The following GNL3L variants were observed in gnomAD, a reference collection of about 807,000 sequenced individuals.
GNL3L encodes guanine nucleotide-binding protein-like 3-like protein.
GNL3L carries 4 observed loss-of-function variants against 42.9 expected under a neutral mutation model. That is an observed-to-expected ratio of 0.09 (90% confidence interval 0.05 to 0.21). The LOEUF (loss-of-function observed/expected upper bound fraction) is 0.21. GNL3L is among the 10% of genes least tolerant of loss of function. The pLI, the probability that GNL3L is intolerant of heterozygous loss-of-function variation, is 1.00. For missense variants in GNL3L, 412 were observed against 481.7 expected (o/e 0.86, Z 1.36); for synonymous variants, 159 against 176.3 (o/e 0.90, Z 0.78).
the GNL3L span, among the ~76,000 whole-genome samples, chrX:54,644,785 A>C: frequency 5.0e-3 from 561 of 111,949 alleles, 5 homozygotes; most frequent in African/African-American, 0.017. Context: ...ACATTGTGAA[A>C]GTAAAAATAA....
chrX:54,636,454 T>C, the GNL3L span, among the ~76,000 whole-genome samples: 2 of 111,864 alleles, frequency 1.8e-5, no homozygotes, highest in African/African-American at 6.5e-5. Context: ...TGAAGTTTGG[T>C]GTACAAATGA....
chrX:54,593,261 T>G (rs905235598), intron 16 of GNL3L, among the ~76,000 whole-genome samples: 3 of 111,930 alleles, frequency 2.7e-5, no homozygotes, highest in African/African-American at 9.7e-5. Flanking sequence ...TCTGGGCTTT[T>G]CTTTGCTGGG....
chrX:54,537,452 G>C (rs760555707), intron 2 of GNL3L, among the ~76,000 whole-genome samples: 38 of 111,268 alleles, frequency 3.4e-4, no homozygotes, highest in African/African-American at 1.2e-3. Flanking sequence ...TCTCTTTCAG[G>C]AACTCCTGTT....
At chrX:54,640,487 A>G in the GNL3L span, among the ~76,000 whole-genome samples, 1 of 112,265 alleles carries the variant, frequency 8.9e-6, no homozygotes, top group African/African-American at 3.2e-5. Context: ...CACAGCCGTC[A>G]TCTCTCAGCA....
intron 2 of GNL3L, among the ~76,000 whole-genome samples, chrX:54,533,845 T>C (rs1039808697): frequency 9.0e-6 from 1 of 110,773 alleles, no homozygotes. Flanking sequence ...GATAGAAATA[T>C]TGATAGTGAT....
the GNL3L span, among the ~76,000 whole-genome samples, chrX:54,631,824 A>G: frequency 9.0e-6 from 1 of 111,465 alleles, no homozygotes; most frequent in South Asian, 3.7e-4. Flanking sequence ...TTGCCCGAAT[A>G]TCTTGTTTGT....
intron 16 of GNL3L, among the ~76,000 whole-genome samples, chrX:54,574,481 A>G (rs779735166): frequency 8.9e-6 from 1 of 112,286 alleles, no homozygotes; most frequent in Admixed American, 9.5e-5. Flanking sequence ...CGTGGAGTAA[A>G]TAGCACTTGG....
intron 2 of GNL3L, among the ~76,000 whole-genome samples, chrX:54,536,074 C>T (rs1174906990): frequency 6.3e-5 from 7 of 111,238 alleles, no homozygotes; most frequent in Admixed American, 2.9e-4. Context: ...ATTACAGGTG[C>T]GTGCCAACAC....
intron 8 of GNL3L, among the ~76,000 whole-genome samples, chrX:54,544,876 C>G (rs1049433861): frequency 9.0e-6 from 1 of 111,108 alleles, no homozygotes; most frequent in African/African-American, 3.3e-5. Flanking sequence ...AACATAATGT[C>G]TATAGGGAAT....
At chrX:54,623,745 GTTATT>G (rs911882737), downstream of GNL3L, among the ~76,000 whole-genome samples, 1 of 110,733 alleles carries the variant, frequency 9.0e-6, no homozygotes, top group Non-Finnish European at 1.9e-5. Flanking sequence ...TTTATTCTTG[GTTATT>G]TTATTCTTTT....
chrX:54,624,438 CT>C (rs761943977), downstream of GNL3L, among the ~76,000 whole-genome samples: 7,685 of 82,037 alleles, frequency 0.094, 542 homozygotes, highest in African/African-American at 0.28. Context: ...TTTTCTTTTT[CT>C]TTTTTTTTTT....
chrX:54,536,613 C>T (rs1924432668), intron 2 of GNL3L, among the ~76,000 whole-genome samples: 1 of 108,822 alleles, frequency 9.2e-6, no homozygotes, highest in Admixed American at 9.9e-5. Flanking sequence ...GGCGAAACCC[C>T]GTCTCTACTA....
At chrX:54,613,916 G>C (rs2057630479) in intron 16 of GNL3L, among the ~76,000 whole-genome samples, 1 of 110,395 alleles carries the variant, frequency 9.1e-6, no homozygotes, top group African/African-American at 3.3e-5. Context: ...GTCAGGAGGT[G>C]GTGGTTTCCA....
Position 54,605,447 on chromosome X carries a change from A to C in GNL3L, c.*46-15398A>C, listed in dbSNP as rs767782398. ...TCCGAATTTCACTCCAAGAGGTCCA[A>C]ACTTGGCCCCATCTTCGGCCCCCCA... On this transcript the variant is annotated intron_variant, in intron 16 of 16. Transcript: ENST00000674498. Among the ~76,000 whole-genome samples, 11 of 111,268 alleles carry C rather than the reference A, an allele frequency of 9.9e-5. No individual in the cohort carries two copies. The South Asian group carries it at 4.2e-3, about 43-fold the overall frequency.
chrX:54,536,009 C>T (rs1315749637), intron 2 of GNL3L, among the ~76,000 whole-genome samples: 2 of 110,081 alleles, frequency 1.8e-5, no homozygotes, highest in Admixed American at 1.9e-4. Flanking sequence ...CTCACTGCAA[C>T]CTCCACCTCC....
the GNL3L span, among the ~76,000 whole-genome samples, chrX:54,637,498 TCTCA>T: frequency 2.7e-5 from 3 of 111,867 alleles, no homozygotes; most frequent in Non-Finnish European, 3.8e-5. Flanking sequence ...CACATATATA[TCTCA>T]CTATCTACTT....
At chrX:54,608,050 A>C (rs1910052410) in intron 16 of GNL3L, among the ~76,000 whole-genome samples, 1 of 112,087 alleles carries the variant, frequency 8.9e-6, no homozygotes, top group African/African-American at 3.2e-5. Flanking sequence ...AAAAGCAGGC[A>C]AAACAAGATA....
At chrX:54,630,906 A>C in the GNL3L span, among the ~76,000 whole-genome samples, 1 of 106,144 alleles carries the variant, frequency 9.4e-6, no homozygotes, top group South Asian at 4.3e-4. Flanking sequence ...TCCTGGGTTC[A>C]AGTGATTATC....
chrX:54,538,829 T>C (rs1342002575), intron 2 of GNL3L, among the ~76,000 whole-genome samples: 1 of 111,769 alleles, frequency 8.9e-6, no homozygotes, highest in Non-Finnish European at 1.9e-5. Context: ...TTATTTGAGT[T>C]TGCAGTGAAA....
Sources: gnomAD v4.1 joint callset for allele counts (sites outside exome capture counted in the v4.1 genomes callset) on GRCh38, gnomAD v4.1.1 for gene constraint, MANE v1.5 for transcripts, NCBI Gene and HGNC (gene_info 2026-07-23, HGNC 2026-07-21) for gene names.